TAFA1: variants seen among roughly 807,000 people sequenced by gnomAD.
TAFA1 encodes the protein chemokine-like protein TAFA-1.
Under a neutral mutation model 18.5 loss-of-function variants are expected in TAFA1, and 4 were observed. That is an observed-to-expected ratio of 0.22 (90% CI 0.11 to 0.49). The LOEUF (loss-of-function observed/expected upper bound fraction) is 0.49, where lower values mean the gene tolerates loss of function less well. Among genes scored for constraint, TAFA1 ranks in the 20% least tolerant of loss-of-function variants. TAFA1 has a pLI of 0.98. For missense variants in TAFA1, 147 were observed against 169.0 expected, an observed-to-expected ratio of 0.87 and a Z score of 0.72; for synonymous variants, 56 against 55.2, an observed-to-expected ratio of 1.01 and a Z score of -0.06.
chr3:68,200,145 T>C (rs769697071), intron 2 of TAFA1, among the ~76,000 whole-genome samples: 3 of 151,660 alleles, frequency 2.0e-5, no homozygotes, highest in Non-Finnish European at 4.4e-5. Context: ...TATTAATTGA[T>C]TTTCAAATAT....
chr3:68,174,848 C>T (rs1279449117), intron 2 of TAFA1, among the ~76,000 whole-genome samples: 1 of 152,164 alleles, frequency 6.6e-6, no homozygotes, highest in African/African-American at 2.4e-5. Flanking sequence ...AAAATCTCCC[C>T]AGGGTATGTC....
intron 3 of TAFA1, among the ~76,000 whole-genome samples, chr3:68,424,333 T>G (rs1390362638): frequency 6.6e-6 from 1 of 151,854 alleles, no homozygotes; most frequent in Admixed American, 6.6e-5. Flanking sequence ...GGTCAGAGAT[T>G]AAGGGTAGTA....
At chr3:68,340,491 G>A (rs955903437) in intron 2 of TAFA1, among the ~76,000 whole-genome samples, 10 of 152,194 alleles carry the variant, frequency 6.6e-5, no homozygotes, top group African/African-American at 2.4e-4. Flanking sequence ...ATTATGCGAA[G>A]GAATGAGACT....
chr3:68,161,397 T>G (rs375771879), intron 2 of TAFA1, among the ~76,000 whole-genome samples: 1 of 152,182 alleles, frequency 6.6e-6, no homozygotes. Context: ...GCAGTATCAG[T>G]GTCTCTTGAA....
At chr3:68,292,129 A>G (rs1177381703) in intron 2 of TAFA1, among the ~76,000 whole-genome samples, 1 of 152,140 alleles carries the variant, frequency 6.6e-6, no homozygotes, top group African/African-American at 2.4e-5. Context: ...CACATATTCC[A>G]TTAGATGTTA....
At chr3:68,475,042 C>A (rs1213579249) in intron 3 of TAFA1, among the ~76,000 whole-genome samples, 2 of 152,002 alleles carry the variant, frequency 1.3e-5, no homozygotes, top group Non-Finnish European at 2.9e-5. Flanking sequence ...TTGAGTTCAC[C>A]ATTGATGATA....
chr3:68,208,812 C>T (rs2066559011), intron 2 of TAFA1, among the ~76,000 whole-genome samples: 1 of 151,994 alleles, frequency 6.6e-6, no homozygotes, highest in African/African-American at 2.4e-5. Flanking sequence ...AGGCATGGAT[C>T]TAAGATGCCC....
At chr3:68,174,152 A>C (rs1188076896) in intron 2 of TAFA1, among the ~76,000 whole-genome samples, 1 of 152,258 alleles carries the variant, frequency 6.6e-6, no homozygotes, top group Non-Finnish European at 1.5e-5. Context: ...CTTTATAGGC[A>C]CATTATATTT....
At chr3:68,456,500 T>A (rs2071669094) in intron 3 of TAFA1, among the ~76,000 whole-genome samples, 1 of 152,186 alleles carries the variant, frequency 6.6e-6, no homozygotes, top group Non-Finnish European at 1.5e-5. Context: ...TCTCCTGTTA[T>A]CTTGACATAT....
At chr3:68,049,116 A>G (rs1432645854) in intron 2 of TAFA1, among the ~76,000 whole-genome samples, 2 of 152,192 alleles carry the variant, frequency 1.3e-5, no homozygotes, top group Admixed American at 6.6e-5. Context: ...GGGGATACCA[A>G]TCATAGCCTA....
At chr3:68,540,646 T>C (rs1175729250) in intron 4 of TAFA1, among the ~76,000 whole-genome samples, 2 of 152,196 alleles carry the variant, frequency 1.3e-5, no homozygotes, top group African/African-American at 2.4e-5. Context: ...TTGCCTTTTA[T>C]TGAAGGCAAG....
intron 3 of TAFA1, among the ~76,000 whole-genome samples, chr3:68,500,086 C>T (rs1309402291): frequency 5.3e-5 from 8 of 152,006 alleles, no homozygotes. Flanking sequence ...CCTTCCTAGG[C>T]TCTTTGACAT....
chr3:68,355,483 T>A (rs2069343667), intron 2 of TAFA1, among the ~76,000 whole-genome samples: 1 of 151,912 alleles, frequency 6.6e-6, no homozygotes, highest in African/African-American at 2.4e-5. Flanking sequence ...TGCACTAATA[T>A]ATGTGAAGGG....
chr3:68,167,043 G>A (rs1006310459), intron 2 of TAFA1, among the ~76,000 whole-genome samples: 1 of 152,092 alleles, frequency 6.6e-6, no homozygotes, highest in Non-Finnish European at 1.5e-5. Context: ...GCCTCTTTTC[G>A]TCTTTAGCAC....
rs1402279947 is a variant in TAFA1 at position 68,370,347 on chromosome 3, T to C, written c.119-46933T>C. 6.2e-5 allele frequency among the ~76,000 whole-genome samples: 4 copies of C among 64,944 alleles called. No homozygotes were observed. In the South Asian group the frequency reaches 1.8e-3, roughly 29 times the overall value. The allele number at this position is 64,944 out of a possible 152,430, so 42.6% of individuals were successfully genotyped here. On this transcript the variant is annotated intron_variant, in intron 2 of 4. Coordinates refer to ENST00000478136, the MANE Select transcript of TAFA1 (RefSeq NM_213609.4). ...ATATATATATATATATATATATATA[T>C]ATATATACACACACACACACATATA...
intron 2 of TAFA1, among the ~76,000 whole-genome samples, chr3:68,415,428 G>A (rs1421753218): frequency 4.6e-5 from 7 of 152,152 alleles, no homozygotes; most frequent in Admixed American, 2.6e-4. Flanking sequence ...CATTCTCTAA[G>A]GAACTGACCT....
At chr3:68,100,322 T>C (rs2065133512) in intron 2 of TAFA1, among the ~76,000 whole-genome samples, 1 of 151,868 alleles carries the variant, frequency 6.6e-6, no homozygotes. Context: ...CTGTCTCTAC[T>C]AAAAATACAA....
chr3:68,114,592 T>C (rs2065302915), intron 2 of TAFA1, among the ~76,000 whole-genome samples: 1 of 152,218 alleles, frequency 6.6e-6, no homozygotes, highest in Non-Finnish European at 1.5e-5. Flanking sequence ...AAAAACGATA[T>C]GAGCAACTTC....
At chr3:68,193,458 A>G (rs1371823640) in intron 2 of TAFA1, among the ~76,000 whole-genome samples, 1 of 151,770 alleles carries the variant, frequency 6.6e-6, no homozygotes, top group Non-Finnish European at 1.5e-5. Flanking sequence ...AACAGCAAAC[A>G]AGAAAACAGA....
Sources: gnomAD v4.1 joint callset for allele counts (sites outside exome capture counted in the v4.1 genomes callset) on GRCh38, gnomAD v4.1.1 for gene constraint, MANE v1.5 for transcripts, NCBI Gene and HGNC (gene_info 2026-07-23, HGNC 2026-07-21) for gene names.